Variants in PPP3CA observed in about 807,000 individuals in gnomAD.
PPP3CA encodes CAM-PRP catalytic subunit.
A neutral mutation model predicts 66.5 loss-of-function variants in PPP3CA; 14 were observed. The ratio of observed to expected loss-of-function variants is 0.21; its 90% CI spans 0.14 to 0.33. The LOEUF (loss-of-function observed/expected upper bound fraction) is 0.33. Ranked by LOEUF, PPP3CA falls within the 10% of genes least tolerant of loss-of-function variation. The pLI is 1.00. For missense variants in PPP3CA, 317 were observed against 639.5 expected (o/e 0.50, Z 5.44); for synonymous variants, 232 against 226.2 (o/e 1.03, Z -0.23).
intron 1 of PPP3CA, among the ~76,000 whole-genome samples, chr4:101,279,920 T>C (rs1298509157): frequency 6.6e-6 from 1 of 152,240 alleles, no homozygotes; most frequent in Non-Finnish European, 1.5e-5. Flanking sequence ...AAGTAAGTTA[T>C]CTAAAGTGAA....
intron 1 of PPP3CA, among the ~76,000 whole-genome samples, chr4:101,283,335 G>A (rs983825607): frequency 1.3e-5 from 2 of 152,166 alleles, no homozygotes; most frequent in African/African-American, 4.8e-5. Context: ...TGTAACAAGA[G>A]AGCATTGTCT....
chr4:101,272,755 A>G (rs1727374231), intron 1 of PPP3CA, among the ~76,000 whole-genome samples: 1 of 152,194 alleles, frequency 6.6e-6, no homozygotes, highest in African/African-American at 2.4e-5. Flanking sequence ...TGTTTATTAA[A>G]CAAAAACTCT....
chr4:101,160,149 T>C (rs941003892), intron 2 of PPP3CA, among the ~76,000 whole-genome samples: 4 of 151,880 alleles, frequency 2.6e-5, no homozygotes, highest in African/African-American at 7.3e-5. Flanking sequence ...CACTTCTATC[T>C]TGAACTGCAT....
At position 101,172,504 on chromosome 4, in the gene PPP3CA, C is replaced by CA. The variant is rs200556582; in HGVS notation, c.259+23411dup. On this transcript the variant is annotated intron_variant, in intron 2 of 13. Transcript: ENST00000394854. ...AAAAAGTATTCAGCACTGTGACTAA[C>CA]AGAGTTAGTCACAGTTCCCTTGTGA... Among the ~76,000 whole-genome samples, 747 of 150,424 alleles carry CA rather than the reference C, an allele frequency of 5.0e-3. 6 individuals carry two copies. The highest frequency in any genetic ancestry group is 0.017 in the African/African-American group (700 of 41,366).
chr4:101,287,346 T>A (rs1727875526), intron 1 of PPP3CA, among the ~76,000 whole-genome samples: 1 of 152,238 alleles, frequency 6.6e-6, no homozygotes. Context: ...TTCATTTTTA[T>A]ATAACACTTT....
At chr4:101,212,081 T>C (rs564863947) in intron 1 of PPP3CA, among the ~76,000 whole-genome samples, 1 of 152,082 alleles carries the variant, frequency 6.6e-6, no homozygotes, top group East Asian at 1.9e-4. Flanking sequence ...TTGTTTAACT[T>C]ATATATTCTT....
chr4:101,225,615 T>C (rs1197823096), intron 1 of PPP3CA, among the ~76,000 whole-genome samples: 1 of 151,838 alleles, frequency 6.6e-6, no homozygotes, highest in African/African-American at 2.4e-5. Flanking sequence ...TAGGATTTTA[T>C]GTTTAAGGAT....
intron 2 of PPP3CA, among the ~76,000 whole-genome samples, chr4:101,150,909 C>T (rs1195136194): frequency 6.6e-6 from 1 of 152,162 alleles, no homozygotes; most frequent in Non-Finnish European, 1.5e-5. Context: ...GGGGACATAA[C>T]CATACTTTTT....
chr4:101,335,493 G>A (rs573468462), intron 1 of PPP3CA, among the ~76,000 whole-genome samples: 1 of 152,186 alleles, frequency 6.6e-6, no homozygotes, highest in Admixed American at 6.5e-5. Context: ...AATGAAAGGT[G>A]AGAGCAATGC....
intron 1 of PPP3CA, among the ~76,000 whole-genome samples, chr4:101,231,352 A>T (rs1442630450): frequency 6.6e-6 from 1 of 151,756 alleles, no homozygotes; most frequent in Non-Finnish European, 1.5e-5. Context: ...TCTGTAAGTC[A>T]GACTATTTAT....
intron 1 of PPP3CA, among the ~76,000 whole-genome samples, chr4:101,233,347 C>T (rs1196630688): frequency 6.6e-6 from 1 of 151,744 alleles, no homozygotes; most frequent in Non-Finnish European, 1.5e-5. Flanking sequence ...GCAAATGGAA[C>T]CAACTGCTCG....
intron 1 of PPP3CA, among the ~76,000 whole-genome samples, chr4:101,270,258 G>A (rs4461528): frequency 0.65 from 99,146 of 151,854 alleles, 33,470 homozygotes; most frequent in Non-Finnish European, 0.75. Context: ...ATTCATATGT[G>A]TGCATACCAC....
chr4:101,283,160 C>T (rs572136815), intron 1 of PPP3CA, among the ~76,000 whole-genome samples: 4 of 152,284 alleles, frequency 2.6e-5, no homozygotes, highest in South Asian at 4.1e-4. Flanking sequence ...TAAAAATTTA[C>T]GGGAAAGCGT....
At chr4:101,073,895 C>T (rs748966312) in intron 8 of PPP3CA, among the ~76,000 whole-genome samples, 8 of 152,110 alleles carry the variant, frequency 5.3e-5, no homozygotes, top group Non-Finnish European at 7.4e-5. Flanking sequence ...TGTATGTTTA[C>T]GTTTTTTATA....
chr4:101,141,116 T>TC (rs566910758), intron 2 of PPP3CA, among the ~76,000 whole-genome samples: 343 of 152,256 alleles, frequency 2.3e-3, no homozygotes, highest in Non-Finnish European at 3.8e-3. Context: ...ACATGGTGGC[T>TC]CCCAGTACCT....
intron 1 of PPP3CA, among the ~76,000 whole-genome samples, chr4:101,323,117 A>G (rs541951493): frequency 2.4e-4 from 37 of 152,290 alleles, no homozygotes; most frequent in Non-Finnish European, 2.5e-4. Context: ...TGTAGTCTTT[A>G]GGGTCCCTTG....
chr4:101,058,710 A>G (rs1405686), intron 10 of PPP3CA, among the ~76,000 whole-genome samples: 91,043 of 152,008 alleles, frequency 0.6, 28,237 homozygotes, highest in East Asian at 0.88. Flanking sequence ...TCATGTAAGT[A>G]ATTGAGATGG....
intron 1 of PPP3CA, among the ~76,000 whole-genome samples, chr4:101,198,019 A>G (rs2110192586): frequency 6.6e-6 from 1 of 152,290 alleles, no homozygotes; most frequent in African/African-American, 2.4e-5. Flanking sequence ...TACTCCTTTT[A>G]TTTTCCAAAA....
intron 2 of PPP3CA, among the ~76,000 whole-genome samples, chr4:101,120,102 T>C (rs999043825): frequency 9.2e-5 from 14 of 152,216 alleles, no homozygotes; most frequent in South Asian, 2.1e-4. Flanking sequence ...ATTGAACCCA[T>C]TTATTAATTC....
Sources: allele counts gnomAD v4.1 joint callset (sites outside exome capture counted in the v4.1 genomes callset), GRCh38; gene constraint gnomAD v4.1.1; transcripts MANE v1.5; gene names NCBI Gene and HGNC (gene_info 2026-07-23, HGNC 2026-07-21).